Variants in KMT2E observed in about 807,000 individuals in gnomAD.
KMT2E encodes lysine methyltransferase 2E (inactive), also known as histone reader KMT2E.
In KMT2E, 30 loss-of-function variants were observed where a neutral mutation model predicts 184.6. The ratio of observed to expected loss-of-function variants is 0.16; its 90% CI spans 0.12 to 0.22. The LOEUF is 0.22. KMT2E is among the 10% of genes least tolerant of loss of function. KMT2E has a pLI of 1.00. For synonymous variants in KMT2E, 815 were observed against 776.5 expected (o/e 1.05, Z -0.82); for missense variants, 2,023 against 2,237.4 (o/e 0.90, Z 1.93).
intron 14 of KMT2E, 122 bp downstream of exon 14, chr7:105,090,395 A>T (rs1293993125): frequency 8.9e-7 from 1 of 1,129,002 alleles, no homozygotes; most frequent in Admixed American, 3.0e-5. Flanking sequence ...CTGTCATTTA[A>T]TGAAGTATTC....
intron 16 of KMT2E, 141 bp from the exon 17 acceptor site, chr7:105,101,745 T>G: frequency 1.1e-6 from 1 of 944,618 alleles, no homozygotes; most frequent in Non-Finnish European, 1.5e-6. Context: ...GATAAAAGAC[T>G]ATATATTATC....
At chr7:105,064,828 T>A (rs916993191) in intron 5 of KMT2E, among the ~76,000 whole-genome samples, 2 of 152,180 alleles carry the variant, frequency 1.3e-5, no homozygotes, top group African/African-American at 4.8e-5. Context: ...AATCATATTG[T>A]AGCCAGTCAT....
intron 20 of KMT2E, 129 bp downstream of exon 20, chr7:105,106,901 A>G (rs1240499187): frequency 6.4e-6 from 6 of 932,560 alleles, no homozygotes; most frequent in Non-Finnish European, 9.5e-6. Flanking sequence ...GAAACTAAAA[A>G]TCAGAAAAAT....
At position 105,076,090 on chromosome 7, in the gene KMT2E, A is replaced by G. The variant is rs1211560533; in HGVS notation, c.768+9A>G. ...AGTCATCAAGAGTTAAGGTAAATAC[A>G]TTAATTTTAAGGTGTTGTTATCAAC... On this transcript the variant is annotated intron_variant, in intron 9 of 26. Coordinates refer to ENST00000311117, the MANE Select transcript of KMT2E (RefSeq NM_182931.3). 24 of 1,576,000 alleles carry G rather than the reference A, an allele frequency of 1.5e-5. No individual in the cohort carries two copies. Among genetic ancestry groups the G allele is most frequent in the Non-Finnish European group, 2.0e-5 (23 of 1,146,264 alleles).
intron 1 of KMT2E, among the ~76,000 whole-genome samples, chr7:105,021,209 ACT>A (rs753333427): frequency 5.9e-5 from 9 of 152,178 alleles, no homozygotes; most frequent in Non-Finnish European, 1.2e-4. Flanking sequence ...ATACATAGTA[ACT>A]CTTACCCAGA....
At chr7:105,023,048 A>G (rs1795017536) in intron 1 of KMT2E, among the ~76,000 whole-genome samples, 1 of 152,224 alleles carries the variant, frequency 6.6e-6, no homozygotes. Flanking sequence ...CAGAACACAC[A>G]CACAAAAGAT....
intron 1 of KMT2E, among the ~76,000 whole-genome samples, chr7:105,030,862 A>T (rs1795381645): frequency 6.6e-6 from 1 of 152,248 alleles, no homozygotes; most frequent in African/African-American, 2.4e-5. Context: ...CAGGTCTGAG[A>T]TAATAAAATG....
intron 18 of KMT2E, 69 bp downstream of exon 18, chr7:105,105,762 T>TG: frequency 6.4e-7 from 1 of 1,561,680 alleles, no homozygotes; most frequent in Admixed American, 1.9e-5. Flanking sequence ...CTACCATCCA[T>TG]GGTAGTGAAA....
intron 1 of KMT2E, among the ~76,000 whole-genome samples, chr7:105,018,624 T>C (rs1794814404): frequency 6.6e-6 from 1 of 152,184 alleles, no homozygotes; most frequent in Non-Finnish European, 1.5e-5. Flanking sequence ...AATTATTTTA[T>C]GGTAAAATTA....
At chr7:105,037,753 C>A (rs1016246670) in intron 1 of KMT2E, among the ~76,000 whole-genome samples, 2 of 151,430 alleles carry the variant, frequency 1.3e-5, no homozygotes, top group Non-Finnish European at 3.0e-5. Context: ...GCTTTTTTTG[C>A]CTTTTACTTC....
In KMT2E at chr7:105,110,969, C is replaced by T. The variant is rs1799222715; in HGVS notation, c.4068+101C>T. The T allele has an allele frequency of 6.4e-6, 5 of 779,956 alleles. No homozygotes were observed. The South Asian group carries it at 8.0e-5, about 12-fold the overall frequency. 48.3% of individuals were successfully genotyped at this position (779,956 alleles called of 1,614,324 possible). A position where few individuals can be genotyped will look rare whatever the true frequency, so the allele number is the denominator to read the frequency against. ...AGTGTTTTTCTGCTGTATCAAGTAT[C>T]AACTTGTGACTTCTGGACACTTTTC... On this transcript the variant is annotated intron_variant, in intron 26 of 26. Coordinates refer to ENST00000311117, the MANE Select transcript of KMT2E (RefSeq NM_182931.3).
chr7:105,110,789 C>A lies in KMT2E; in HGVS notation c.3989C>A (p.Pro1330Gln). The change falls in exon 26 of 27, where the codon CCA becomes CAA. Residue 1330 changes from proline to glutamine, a missense_variant. Physicochemically the swap from Pro to Gln is moderately conservative, Grantham distance 76 (BLOSUM62 -1). This residue lies in a region of KMT2E where 1,108 missense variants were observed against 1,050.9 expected (regional missense o/e 1.05). Coordinates refer to ENST00000311117, the MANE Select transcript of KMT2E (RefSeq NM_182931.3). Reference protein sequence around the residue: ...ELMEDPDPENPEPTTTNECPS... With the variant: ...ELMEDPDPENQEPTTTNECPS... ...TTTATAGACCCTGATCCTGAAAATC[C>A]AGAACCCACAACTACGAATGAATGT... is the stretch of plus-strand genomic sequence containing the variant. 1.9e-6 allele frequency: 3 copies of A among 1,613,962 alleles called. No homozygotes were observed. Among genetic ancestry groups the A allele is most frequent in the Non-Finnish European group, 2.5e-6 (3 of 1,179,866 alleles).
At chr7:105,070,632 C>CA (rs57911728) in intron 6 of KMT2E, among the ~76,000 whole-genome samples, 829 of 58,770 alleles carry the variant, frequency 0.014, 4 homozygotes, top group East Asian at 0.074. Context: ...GACTGTGTCT[C>CA]AAAAAAAAAA....
chr7:105,082,828 A>G (rs1243481247), intron 13 of KMT2E, among the ~76,000 whole-genome samples: 1 of 152,220 alleles, frequency 6.6e-6, no homozygotes, highest in Non-Finnish European at 1.5e-5. Flanking sequence ...ATAAAAAAGT[A>G]AAAAATCAGT....
At chr7:105,018,274 AAC>A (rs989665369) in intron 1 of KMT2E, among the ~76,000 whole-genome samples, 3 of 152,242 alleles carry the variant, frequency 2.0e-5, no homozygotes, top group African/African-American at 2.4e-5. Context: ...GTGTAAAACT[AAC>A]AGAACTTTGA....
chr7:105,106,211 G>C (rs969415961), intron 19 of KMT2E, among the ~76,000 whole-genome samples: 1 of 152,112 alleles, frequency 6.6e-6, no homozygotes, highest in Non-Finnish European at 1.5e-5. Context: ...ATATTTAAAG[G>C]CTTCTGGACT....
chr7:105,031,968 T>TGA (rs1795438281), intron 1 of KMT2E, among the ~76,000 whole-genome samples: 1 of 143,818 alleles, frequency 7.0e-6, no homozygotes, highest in African/African-American at 2.6e-5. Context: ...CTTAGGAGGC[T>TGA]GAGGCGGGAT....
At chr7:105,047,036 G>T (rs1341497599) in intron 3 of KMT2E, among the ~76,000 whole-genome samples, 2 of 152,210 alleles carry the variant, frequency 1.3e-5, no homozygotes, top group Non-Finnish European at 2.9e-5. Context: ...GGTGAAACCT[G>T]GAGGAAAGCA....
At chr7:105,069,214 A>G (rs1797181164) in intron 6 of KMT2E, among the ~76,000 whole-genome samples, 1 of 152,214 alleles carries the variant, frequency 6.6e-6, no homozygotes. Context: ...GCTAGGAAGT[A>G]TGTTTCATCT....
Sources: allele counts gnomAD v4.1 joint callset (sites outside exome capture counted in the v4.1 genomes callset), GRCh38; gene constraint gnomAD v4.1.1; regional missense constraint gnomAD v4.1.1; transcripts MANE v1.5; gene names NCBI Gene and HGNC (gene_info 2026-07-23, HGNC 2026-07-21).